SLIT3: variants seen among roughly 807,000 people sequenced by gnomAD.
SLIT3 encodes the protein slit homolog 3 protein.
A neutral mutation model predicts 184.0 loss-of-function variants in SLIT3; 68 were observed. That is an observed-to-expected ratio of 0.37 (90% CI 0.30 to 0.45). The LOEUF (loss-of-function observed/expected upper bound fraction) is 0.45. SLIT3 is among the 20% of genes least tolerant of loss of function. The pLI is 1.00. For synonymous variants in SLIT3, 831 were observed against 828.6 expected, an observed-to-expected ratio of 1.00 and a Z score of -0.05; for missense variants, 1,707 against 2,026.0, an observed-to-expected ratio of 0.84 and a Z score of 3.02.
At chr5:168,820,434 G>A (rs1344099680) in intron 7 of SLIT3, among the ~76,000 whole-genome samples, 1 of 152,208 alleles carries the variant, frequency 6.6e-6, no homozygotes, top group Non-Finnish European at 1.5e-5. Context: ...CTGTCAAATG[G>A]GGATATTAGT....
intron 18 of SLIT3, among the ~76,000 whole-genome samples, chr5:168,750,899 CA>C (rs1287466472): frequency 6.6e-6 from 1 of 152,034 alleles, no homozygotes; most frequent in African/African-American, 2.4e-5. Context: ...ATATGATTAA[CA>C]GCAAGTTAGT....
chr5:168,865,209 G>GA (rs937281857), intron 5 of SLIT3, among the ~76,000 whole-genome samples: 139 of 148,692 alleles, frequency 9.3e-4, no homozygotes, highest in African/African-American at 3.2e-3. Context: ...CATGGATAAG[G>GA]AAAAAAAATA....
chr5:169,093,175 G>T (rs1250601715), intron 4 of SLIT3, among the ~76,000 whole-genome samples: 1 of 152,166 alleles, frequency 6.6e-6, no homozygotes, highest in Non-Finnish European at 1.5e-5. Context: ...ATCTGGTGAG[G>T]TAAGTATTAT....
intron 4 of SLIT3, among the ~76,000 whole-genome samples, chr5:169,073,683 T>C (rs567120483): frequency 1.9e-4 from 29 of 152,144 alleles, no homozygotes; most frequent in African/African-American, 6.3e-4. Context: ...TGAGTTTACC[T>C]GAGAGCTGGC....
At chr5:169,280,448 G>C (rs769253655) in intron 1 of SLIT3, among the ~76,000 whole-genome samples, 1 of 152,078 alleles carries the variant, frequency 6.6e-6, no homozygotes, top group Non-Finnish European at 1.5e-5. Context: ...ACAGGCAAGC[G>C]GCCTCGTCTC....
chr5:169,260,668 A>G (rs1206369276), intron 1 of SLIT3, among the ~76,000 whole-genome samples: 1 of 151,950 alleles, frequency 6.6e-6, no homozygotes, highest in Admixed American at 6.6e-5. Context: ...AAATAAATCA[A>G]CTCTCCTGGA....
chr5:168,721,786 C>T (rs563726090), intron 23 of SLIT3, among the ~76,000 whole-genome samples: 55 of 152,250 alleles, frequency 3.6e-4, no homozygotes, highest in Non-Finnish European at 5.6e-4. Context: ...GTGAGCTGGA[C>T]GGGGGCCCTG....
chr5:168,836,952 G>GA (rs574740664), intron 6 of SLIT3, among the ~76,000 whole-genome samples: 5 of 149,550 alleles, frequency 3.3e-5, no homozygotes, highest in South Asian at 2.1e-4. Context: ...TACTTAAATG[G>GA]AAAAAAAAAA....
At chr5:168,790,235 G>A (rs1246691834) in intron 10 of SLIT3, 1 of 152,514 alleles carries the variant, frequency 6.6e-6, no homozygotes, top group Non-Finnish European at 1.5e-5. Flanking sequence ...GGGACGCCTT[G>A]GAGATGTGGG....
rs151074787 is a variant in SLIT3, at chr5:169,082,923, A to G, written c.413+110556T>C. On this transcript the variant is annotated intron_variant, in intron 4 of 35. Coordinates refer to ENST00000519560, the MANE Select transcript of SLIT3 (RefSeq NM_003062.4). ...TGACAAATGTCTTCTCAGCAGTTCA[A>G]TACAGGGCAAATCCACAATTTGAAC... Among the ~76,000 whole-genome samples the G allele has an allele frequency of 5.3e-3, 806 of 152,304 alleles. 6 individuals carry two copies. Among genetic ancestry groups the G allele is most frequent in the African/African-American group, 0.018 (759 of 41,562 alleles).
At chr5:168,739,597 GGC>G (rs1763554045) in intron 20 of SLIT3, among the ~76,000 whole-genome samples, 1 of 151,706 alleles carries the variant, frequency 6.6e-6, no homozygotes, top group Admixed American at 6.5e-5. Flanking sequence ...TGGGATTACA[GGC>G]GCCCACAACC....
intron 4 of SLIT3, among the ~76,000 whole-genome samples, chr5:169,037,496 C>T (rs1443174040): frequency 6.6e-6 from 1 of 152,224 alleles, no homozygotes. Flanking sequence ...CACCCTTTCC[C>T]TCCACCTCCA....
At position 168,663,612 on chromosome 5, in the gene SLIT3, C is replaced by CCCTA. The variant is rs1760941425; in HGVS notation, c.*2838_*2841dup. Reference sequence around the variant, plus strand: ...CATGCACAGCTCTTTGTGGTCAAAACCCTACCTTCCTACCTACCCCATTTC... The same window carrying CCCTA: ...CATGCACAGCTCTTTGTGGTCAAAACCCTACCTACCTTCCTACCTACCCCATTTC... On this transcript the variant is annotated 3_prime_UTR_variant, in exon 36 of 36. Coordinates refer to ENST00000519560, the MANE Select transcript of SLIT3 (RefSeq NM_003062.4). 1 of 152,268 alleles carries CCCTA rather than the reference C, an allele frequency of 6.6e-6. No homozygotes were observed. 9.4% of individuals were successfully genotyped at this position (152,268 alleles called of 1,614,324 possible).
At position 168,950,330 on chromosome 5, in the gene SLIT3, A is replaced by C. The variant is rs184445197; in HGVS notation, c.414-66994T>G. 2.0e-5 allele frequency among the ~76,000 whole-genome samples: 3 copies of C among 152,312 alleles called. No individual in the cohort carries two copies. In the East Asian group the frequency reaches 5.8e-4, roughly 29 times the overall value. Reference sequence around the variant, plus strand: ...TCTAACCTCCAGAACTGTGAAGAGTAAGTTTCTGAAGTTCTAAGTCACCCA... The same window carrying C: ...TCTAACCTCCAGAACTGTGAAGAGTCAGTTTCTGAAGTTCTAAGTCACCCA... On this transcript the variant is annotated intron_variant, in intron 4 of 35. Coordinates refer to ENST00000519560, the MANE Select transcript of SLIT3 (RefSeq NM_003062.4).
In SLIT3 at chr5:168,932,347, G is replaced by GACACACACACAC. The variant is rs375350401; in HGVS notation, c.414-49023_414-49012dup. On this transcript the variant is annotated intron_variant, in intron 4 of 35. Coordinates refer to ENST00000519560, the MANE Select transcript of SLIT3 (RefSeq NM_003062.4). ...AAGAGGAAAGGGAAGAGGGGAAAAA[G>GACACACACACAC]ACACACACACACACACACACACACA... Among the ~76,000 whole-genome samples the GACACACACACAC allele has an allele frequency of 4.1e-4, 54 of 131,146 alleles. 1 individual carries two copies. The highest frequency in any genetic ancestry group is 1.1e-3 in the Admixed American group (14 of 12,852). 86.0% of individuals were successfully genotyped at this position (131,146 alleles called of 152,430 possible).
intron 4 of SLIT3, among the ~76,000 whole-genome samples, chr5:168,937,169 G>A (rs941719486): frequency 3.9e-5 from 6 of 152,078 alleles, no homozygotes; most frequent in Non-Finnish European, 8.8e-5. Context: ...GCGTACTGGA[G>A]GGGTAGGGAG....
chr5:169,187,555 CTTTCTT>C (rs1427251543), intron 4 of SLIT3, among the ~76,000 whole-genome samples: 100 of 89,064 alleles, frequency 1.1e-3, no homozygotes, highest in African/African-American at 4.9e-3. Flanking sequence ...TTCTTTCTTT[CTTTCTT>C]TTTTTTTTTT....
At chr5:168,791,422 G>A (rs1315200710) in intron 10 of SLIT3, 2 of 152,244 alleles carry the variant, frequency 1.3e-5, no homozygotes, top group Non-Finnish European at 2.9e-5. Context: ...AATTGGAGAA[G>A]TGATAGACAG....
In SLIT3 at chr5:168,890,973, T is replaced by G. The variant is rs1173235501; in HGVS notation, c.414-7637A>C. Among the ~76,000 whole-genome samples the G allele has an allele frequency of 2.0e-5, 3 of 152,224 alleles. No homozygotes were observed. The East Asian group carries it at 5.8e-4, about 29-fold the overall frequency. On this transcript the variant is annotated intron_variant, in intron 4 of 35. Transcript: ENST00000519560. Reference sequence around the variant, plus strand: ...CACATCCCGGTTCTGCTACTCAACATGCTGTGTGTCTTTAAGAGCACCAGT... The same window carrying G: ...CACATCCCGGTTCTGCTACTCAACAGGCTGTGTGTCTTTAAGAGCACCAGT...
Sources: allele counts gnomAD v4.1 joint callset (sites outside exome capture counted in the v4.1 genomes callset), GRCh38; gene constraint gnomAD v4.1.1; transcripts MANE v1.5; gene names NCBI Gene and HGNC (gene_info 2026-07-23, HGNC 2026-07-21).